Variants in SP3 observed in about 807,000 individuals in gnomAD.
SP3 encodes transcription factor Sp3.
SP3 carries 10 observed loss-of-function variants against 70.3 expected under a neutral mutation model. The ratio of observed to expected loss-of-function variants is 0.14; its 90% CI spans 0.09 to 0.24. The LOEUF (loss-of-function observed/expected upper bound fraction) is 0.24. Among genes scored for constraint, SP3 ranks in the 10% least tolerant of loss-of-function variants. The probability of loss-of-function intolerance (pLI) is 1.00; values close to 1 mark genes in which losing one functional copy is unlikely to be tolerated. For missense variants in SP3, 825 were observed against 914.6 expected (o/e 0.90, Z 1.26); for synonymous variants, 402 against 333.5 (o/e 1.21, Z -2.24).
chr2:173,924,404 A>AG (rs1689849462), intron 4 of SP3, among the ~76,000 whole-genome samples: 1 of 152,260 alleles, frequency 6.6e-6, no homozygotes, highest in Admixed American at 6.5e-5. Context: ...TAAACTGACT[A>AG]GCGAGATATT....
At position 173,951,007 on chromosome 2, in the gene SP3, G is replaced by A. The variant is rs189421148; in HGVS notation, c.1639+3866C>T. Among the ~76,000 whole-genome samples the A allele has an allele frequency of 5.3e-5, 8 of 151,948 alleles. No individual in the cohort carries two copies. In the East Asian group the frequency reaches 5.8e-4, roughly 11 times the overall value. Reference sequence around the variant, plus strand: ...TGGAGTATTTATTTTACCCTTCCTGGGCAACATTCAATAAACTAAAATTCC... The same window carrying A: ...TGGAGTATTTATTTTACCCTTCCTGAGCAACATTCAATAAACTAAAATTCC... On this transcript the variant is annotated intron_variant, in intron 4 of 6. Transcript: ENST00000310015.
rs533761421 is a variant in SP3 at position 173,952,387 on chromosome 2, A to G, written c.1639+2486T>C. Among the ~76,000 whole-genome samples, 3 of 152,326 alleles carry G rather than the reference A, an allele frequency of 2.0e-5. No individual in the cohort carries two copies. In the South Asian group the frequency reaches 6.2e-4, roughly 32 times the overall value. On this transcript the variant is annotated intron_variant, in intron 4 of 6. Coordinates refer to ENST00000310015, the MANE Select transcript of SP3 (RefSeq NM_003111.5). ...CAAACCAAAACCATAAAAAGATACC[A>G]CTTCACACCCACTAGGATGGCTGTA... is the stretch of plus-strand genomic sequence containing the variant.
chr2:173,958,834 T>A (rs1255559805), intron 3 of SP3, among the ~76,000 whole-genome samples: 1 of 151,538 alleles, frequency 6.6e-6, no homozygotes, highest in Non-Finnish European at 1.5e-5. Context: ...TGGAATTGTG[T>A]GAGTTACAGC....
At chr2:173,931,242 T>C (rs1400375650) in intron 4 of SP3, among the ~76,000 whole-genome samples, 1 of 152,206 alleles carries the variant, frequency 6.6e-6, no homozygotes, top group Non-Finnish European at 1.5e-5. Context: ...AAGATGGTGG[T>C]TGCTGGCTAG....
intron 4 of SP3, among the ~76,000 whole-genome samples, chr2:173,934,636 G>A (rs1221446064): frequency 6.6e-6 from 1 of 151,526 alleles, no homozygotes; most frequent in Non-Finnish European, 1.5e-5. Context: ...AGGGAGACAG[G>A]AGGATTACCC....
intron 2 of SP3, 96 bp from the exon 3 acceptor site, chr2:173,963,979 C>T (rs1053942570): frequency 1.3e-6 from 1 of 780,902 alleles, no homozygotes; most frequent in Non-Finnish European, 1.8e-6. Flanking sequence ...ACTCGGTCCC[C>T]GCCGACTGCG....
chr2:173,918,307 T>C (rs767255859), intron 5 of SP3, among the ~76,000 whole-genome samples: 8 of 152,154 alleles, frequency 5.3e-5, no homozygotes, highest in African/African-American at 1.9e-4. Flanking sequence ...CAAATTCCAT[T>C]GCTGGTTTGC....
chr2:173,934,442 C>A (rs6749558), intron 4 of SP3, among the ~76,000 whole-genome samples: 30,794 of 151,862 alleles, frequency 0.2, 3,250 homozygotes, highest in Middle Eastern at 0.27. Flanking sequence ...AGTGAAAAAA[C>A]CAATTTATTT....
chr2:173,938,941 T>G (rs1391934169), intron 4 of SP3, among the ~76,000 whole-genome samples: 1 of 152,184 alleles, frequency 6.6e-6, no homozygotes, highest in Admixed American at 6.5e-5. Flanking sequence ...GCCATTTTTT[T>G]TATTATCACA....
chr2:173,910,340 T>A, intron 6 of SP3, 83 bp from the exon 7 acceptor site: 1 of 1,177,754 alleles, frequency 8.5e-7, no homozygotes, highest in Non-Finnish European at 1.2e-6. Flanking sequence ...AGAAAGTAAG[T>A]CAACGCTGAC....
intron 4 of SP3, among the ~76,000 whole-genome samples, chr2:173,920,782 G>C (rs1559092804): frequency 1.3e-5 from 2 of 151,926 alleles, no homozygotes; most frequent in South Asian, 4.2e-4. Flanking sequence ...GTAGAGACAG[G>C]GTTTCACCAT....
At chr2:173,962,129 T>G (rs1691108826) in intron 3 of SP3, among the ~76,000 whole-genome samples, 2 of 152,194 alleles carry the variant, frequency 1.3e-5, no homozygotes, top group African/African-American at 2.4e-5. Context: ...GAAACTTCCC[T>G]ACAAGTATAT....
Position 173,904,449 on chromosome 2 carries a change from A to C in SP3, c.*5492T>G, listed in dbSNP as rs1456806004. 6.6e-6 allele frequency among the ~76,000 whole-genome samples: 1 copy of C among 152,138 alleles called. No homozygotes were observed. Among genetic ancestry groups the C allele is most frequent in the African/African-American group, 2.4e-5 (1 of 41,416 alleles). ...TTGGGGAGTCTCTCTGTAAGGTTTT[A>C]AGGCTATCTTGTGGAACCCCAGGAG... On this transcript the variant is annotated 3_prime_UTR_variant, in exon 7 of 7. Coordinates refer to ENST00000310015, the MANE Select transcript of SP3 (RefSeq NM_003111.5).
intron 3 of SP3, among the ~76,000 whole-genome samples, chr2:173,960,349 T>C (rs1185772751): frequency 2.0e-5 from 3 of 152,132 alleles, no homozygotes; most frequent in African/African-American, 7.2e-5. Flanking sequence ...CACGAATGCC[T>C]TTACGAAAGC....
rs113067164 is a variant in SP3, at chr2:173,901,785, T to A, written c.*8156A>T. Among the ~76,000 whole-genome samples, 363 of 140,658 alleles carry A rather than the reference T, an allele frequency of 2.6e-3. 1 individual carries two copies. The highest frequency in any genetic ancestry group is 3.8e-3 in the Non-Finnish European group (252 of 65,590). 92.3% of individuals were successfully genotyped at this position (140,658 alleles called of 152,430 possible). ...GGTGCAATCTCGGCTCACTGCAACCTATGCCTCCTGCGTTCAAGCGATTCT... is the reference window on the plus strand; with the variant it reads ...GGTGCAATCTCGGCTCACTGCAACCAATGCCTCCTGCGTTCAAGCGATTCT... On this transcript the variant is annotated 3_prime_UTR_variant, in exon 7 of 7. Coordinates refer to ENST00000310015, the MANE Select transcript of SP3 (RefSeq NM_003111.5).
chr2:173,927,307 A>T (rs1211096873), intron 4 of SP3, among the ~76,000 whole-genome samples: 1 of 147,292 alleles, frequency 6.8e-6, no homozygotes. Context: ...CAGGGTTCTC[A>T]CTCTGTCGCC....
At chr2:173,928,822 A>T (rs1689989084) in intron 4 of SP3, among the ~76,000 whole-genome samples, 1 of 152,240 alleles carries the variant, frequency 6.6e-6, no homozygotes, top group Admixed American at 6.5e-5. Flanking sequence ...TAGAATTTAT[A>T]CATTTTTCTT....
intron 4 of SP3, among the ~76,000 whole-genome samples, chr2:173,920,129 G>A (rs1272076589): frequency 6.6e-6 from 1 of 152,016 alleles, no homozygotes; most frequent in Non-Finnish European, 1.5e-5. Context: ...CAGGGAATGG[G>A]ATCGTGTATG....
At chr2:173,933,657 TATATATATATATATA>T (rs977882045) in intron 4 of SP3, among the ~76,000 whole-genome samples, 1 of 141,924 alleles carries the variant, frequency 7.0e-6, no homozygotes. Flanking sequence ...TATATATATA[TATATATATATATATA>T]AAAGTTATAA....
Sources: allele counts gnomAD v4.1 joint callset (sites outside exome capture counted in the v4.1 genomes callset), GRCh38; gene constraint gnomAD v4.1.1; transcripts MANE v1.5; gene names NCBI Gene and HGNC (gene_info 2026-07-23, HGNC 2026-07-21).